ATG2B: variants seen among roughly 807,000 people sequenced by gnomAD.
The protein encoded by ATG2B is autophagy-related protein 2 homolog B.
A neutral mutation model predicts 241.3 loss-of-function variants in ATG2B; 121 were observed. The observed-to-expected ratio is 0.50, with a 90% confidence interval of 0.43 to 0.58. ATG2B has a LOEUF of 0.58. Among genes scored for constraint, ATG2B ranks in the 20% least tolerant of loss-of-function variants. ATG2B has a pLI of 0.00. For missense variants in ATG2B, 2,306 were observed against 2,491.6 expected, an observed-to-expected ratio of 0.93 and a Z score of 1.59; for synonymous variants, 858 against 876.6, an observed-to-expected ratio of 0.98 and a Z score of 0.37.
At chr14:96,313,262 A>G in intron 24 of ATG2B, 67 bp downstream of exon 24, 6 of 1,373,930 alleles carry the variant, frequency 4.4e-6, no homozygotes, top group Non-Finnish European at 6.1e-6. Context: ...CTACTGAATT[A>G]TGTATTTTTT....
intron 16 of ATG2B, 78 bp downstream of exon 16, chr14:96,323,816 AAT>A: frequency 1.1e-6 from 1 of 931,054 alleles, no homozygotes; most frequent in South Asian, 1.4e-5. Flanking sequence ...GCTTATATTT[AAT>A]AGACAAAATG....
At chr14:96,357,967 G>A (rs1888523786) in intron 1 of ATG2B, among the ~76,000 whole-genome samples, 1 of 152,130 alleles carries the variant, frequency 6.6e-6, no homozygotes, top group African/African-American at 2.4e-5. Context: ...AAAACATATG[G>A]AGGCAATGAC....
At chr14:96,327,008 A>T (rs375977396) in intron 14 of ATG2B, among the ~76,000 whole-genome samples, 99 of 152,330 alleles carry the variant, frequency 6.5e-4, no homozygotes, top group African/African-American at 2.4e-3. Context: ...TACCCCACAG[A>T]AACTAAAATA....
intron 1 of ATG2B, among the ~76,000 whole-genome samples, chr14:96,361,538 TGGG>T (rs1181090088): frequency 6.6e-6 from 1 of 152,220 alleles, no homozygotes; most frequent in Non-Finnish European, 1.5e-5. Flanking sequence ...TATAGAATCA[TGGG>T]TTGTTGAATT....
At chr14:96,345,573 G>C (rs986895336) in intron 2 of ATG2B, among the ~76,000 whole-genome samples, 188 bp from the exon 3 acceptor site, 2 of 151,828 alleles carry the variant, frequency 1.3e-5, no homozygotes, top group South Asian at 4.1e-4. Flanking sequence ...TAATAACCAA[G>C]AAGGAAAAAA....
intron 6 of ATG2B, among the ~76,000 whole-genome samples, chr14:96,334,785 G>A (rs1208985488): frequency 1.3e-5 from 2 of 152,144 alleles, no homozygotes; most frequent in Non-Finnish European, 2.9e-5. Context: ...AGTATTTGAG[G>A]AGGACTTAAG....
intron 26 of ATG2B, 70 bp from the exon 27 acceptor site, chr14:96,311,688 A>G: frequency 2.2e-6 from 2 of 912,356 alleles, no homozygotes; most frequent in Non-Finnish European, 3.6e-6. Context: ...CCAACACCCA[A>G]TACAACTAGC....
At chr14:96,310,358 G>A (rs1213477614) in intron 28 of ATG2B, among the ~76,000 whole-genome samples, 1 of 152,152 alleles carries the variant, frequency 6.6e-6, no homozygotes, top group East Asian at 1.9e-4. Context: ...ATGCCAGTCA[G>A]GCCTTTACTA....
chr14:96,323,990 G>C lies in ATG2B; in HGVS notation c.2446C>G (p.Gln816Glu). Residue 816 changes from glutamine (Q) to glutamate (E), a missense_variant, in exon 16 of 42, where the codon CAG becomes GAG. By Grantham distance (29) the Gln-to-Glu change is conservative. Around this residue, in one of 2 missense-constraint regions of ATG2B, gnomAD observed 1,927 missense variants for 2,011.2 expected, o/e 0.96. Coordinates refer to ENST00000359933, the MANE Select transcript of ATG2B (RefSeq NM_018036.7). ...LTFRELIGSF[Q>E]EEKGDPSIKF... is the part of the protein sequence containing the mutation. ...ATAGATGGATCTCCTTTCTCTTCCTGGAACGATCCTAAAAAAAAAGACTGA... is the reference window on the plus strand; with the variant it reads ...ATAGATGGATCTCCTTTCTCTTCCTCGAACGATCCTAAAAAAAAAGACTGA... 1 of 1,583,030 alleles carries C rather than the reference G, an allele frequency of 6.3e-7. No individual in the cohort carries two copies. Among genetic ancestry groups the C allele is most frequent in the Non-Finnish European group, 8.6e-7 (1 of 1,169,228 alleles).
intron 27 of ATG2B, 107 bp downstream of exon 27, chr14:96,311,435 T>C (rs971305620): frequency 8.5e-7 from 1 of 1,179,566 alleles, no homozygotes; most frequent in Non-Finnish European, 1.2e-6. Context: ...TTTAATATAC[T>C]TACTCTATTT....
chr14:96,308,262 ATATATATATATATATATATAT>A (rs1887038639), intron 29 of ATG2B, among the ~76,000 whole-genome samples: 4 of 13,150 alleles, frequency 3.0e-4, no homozygotes, highest in African/African-American at 1.1e-3. Flanking sequence ...ACACACATAT[ATATATATATATATATATATAT>A]TTTTTTTTTT....
intron 1 of ATG2B, among the ~76,000 whole-genome samples, chr14:96,358,927 C>T (rs973607990): frequency 2.0e-5 from 3 of 152,074 alleles, no homozygotes; most frequent in South Asian, 2.1e-4. Flanking sequence ...ATGAGTTTCA[C>T]GCATATAAAC....
intron 1 of ATG2B, among the ~76,000 whole-genome samples, chr14:96,348,512 G>A (rs554012541): frequency 3.2e-4 from 49 of 152,002 alleles, no homozygotes; most frequent in African/African-American, 1.1e-3. Context: ...GTGAAATCCC[G>A]TCTCTACTAA....
chr14:96,348,832 G>GTT, intron 1 of ATG2B, among the ~76,000 whole-genome samples: 1 of 152,266 alleles, frequency 6.6e-6, no homozygotes, highest in East Asian at 1.9e-4. Flanking sequence ...TTACCCTGAT[G>GTT]TAATTATTAG....
rs766840678 is a variant in ATG2B, at chr14:96,333,723, T to C, written c.1172A>G (p.Tyr391Cys). Residue 391 changes from tyrosine to cysteine, a missense_variant, in exon 8 of 42, where the codon TAT becomes TGT. By Grantham distance (194) the Tyr-to-Cys change is radical (BLOSUM62 -2). Transcript: ENST00000359933. ...SVGVSSEQSF[Y>C]ETETARTPSS... ...AGGTGTACGAGCTGTTTCTGTCTCATAAAAGCTTTGCTCTGAAGATACACC... is the reference window on the plus strand; with the variant it reads ...AGGTGTACGAGCTGTTTCTGTCTCACAAAAGCTTTGCTCTGAAGATACACC... The C allele has an allele frequency of 1.9e-6, 3 of 1,613,830 alleles. No individual in the cohort carries two copies. In the African/African-American group the frequency reaches 4.0e-5, roughly 22 times the overall value.
At chr14:96,330,577 A>G (rs1262623266) in intron 11 of ATG2B, among the ~76,000 whole-genome samples, 1 of 152,150 alleles carries the variant, frequency 6.6e-6, no homozygotes, top group African/African-American at 2.4e-5. Context: ...CAGCCTGGCC[A>G]ACATGGTGAA....
intron 36 of ATG2B, chr14:96,293,308 T>C (rs1886538946): frequency 6.6e-6 from 1 of 152,104 alleles, no homozygotes; most frequent in African/African-American, 2.4e-5. Flanking sequence ...CAGCTCCACT[T>C]GGCTGTCGGG....
chr14:96,314,402 T>C (rs1052744885), intron 23 of ATG2B, among the ~76,000 whole-genome samples: 1 of 152,190 alleles, frequency 6.6e-6, no homozygotes, highest in Non-Finnish European at 1.5e-5. Flanking sequence ...AACTGGAAAT[T>C]AATGAGAGAA....
At chr14:96,353,138 T>C (rs778677159) in intron 1 of ATG2B, among the ~76,000 whole-genome samples, 8 of 152,150 alleles carry the variant, frequency 5.3e-5, no homozygotes, top group African/African-American at 1.7e-4. Context: ...CTAGGAGCAA[T>C]AGGCTGTACC....
Sources: gnomAD v4.1 joint callset for allele counts (sites outside exome capture counted in the v4.1 genomes callset) on GRCh38, gnomAD v4.1.1 for gene constraint, gnomAD v4.1.1 regional missense constraint, MANE v1.5 for transcripts, NCBI Gene and HGNC (gene_info 2026-07-23, HGNC 2026-07-21) for gene names.